The following SGCZ variants were observed in gnomAD, a reference collection of about 807,000 sequenced individuals.
The protein encoded by SGCZ is zeta-sarcoglycan.
A neutral mutation model predicts 41.3 loss-of-function variants in SGCZ; 40 were observed. That is an observed-to-expected ratio of 0.97 (90% CI 0.75 to 1.26). The LOEUF (loss-of-function observed/expected upper bound fraction) is 1.26, where lower values mean the gene tolerates loss of function less well. Among genes scored for constraint, SGCZ ranks in the 50% most tolerant of loss-of-function variants. The pLI, the probability that SGCZ is intolerant of heterozygous loss-of-function variation, is 0.00. For missense variants in SGCZ, 552 were observed against 369.8 expected, an observed-to-expected ratio of 1.49 and a Z score of -4.04; for synonymous variants, 206 against 137.5, an observed-to-expected ratio of 1.50 and a Z score of -3.49.
chr8:14,985,252 A>T (rs1233514699), intron 1 of SGCZ, among the ~76,000 whole-genome samples: 1 of 152,168 alleles, frequency 6.6e-6, no homozygotes, highest in Non-Finnish European at 1.5e-5. Flanking sequence ...ATTATCCCTT[A>T]GAATGGAGAG....
chr8:14,413,158 C>A (rs1012482006), intron 2 of SGCZ, among the ~76,000 whole-genome samples: 1 of 151,778 alleles, frequency 6.6e-6, no homozygotes, highest in Admixed American at 6.6e-5. Flanking sequence ...CATAAGGTAG[C>A]GTGAGATAGT....
intron 1 of SGCZ, among the ~76,000 whole-genome samples, chr8:14,559,236 G>C (rs183084350): frequency 6.6e-6 from 1 of 152,062 alleles, no homozygotes; most frequent in African/African-American, 2.4e-5. Flanking sequence ...AAACCCTAAA[G>C]ACCCCTCCAA....
chr8:14,770,410 C>T (rs1800194588), intron 1 of SGCZ, among the ~76,000 whole-genome samples: 1 of 151,052 alleles, frequency 6.6e-6, no homozygotes, highest in Non-Finnish European at 1.5e-5. Context: ...CTATTCTTTC[C>T]CCAGAGGTCA....
chr8:14,556,404 T>C (rs1362203922), intron 1 of SGCZ, among the ~76,000 whole-genome samples: 1 of 151,896 alleles, frequency 6.6e-6, no homozygotes, highest in Non-Finnish European at 1.5e-5. Flanking sequence ...CATTGTAATG[T>C]TCATTGACTC....
intron 1 of SGCZ, among the ~76,000 whole-genome samples, chr8:14,966,823 T>C (rs915856950): frequency 1.3e-5 from 2 of 152,130 alleles, no homozygotes; most frequent in Non-Finnish European, 1.5e-5. Flanking sequence ...TTCAATAGAA[T>C]ATTTGAAAGA....
At chr8:14,569,187 T>A (rs1045703026) in intron 1 of SGCZ, among the ~76,000 whole-genome samples, 2 of 152,190 alleles carry the variant, frequency 1.3e-5, no homozygotes, top group African/African-American at 4.8e-5. Context: ...ATTGAGCTAT[T>A]TAGTCATTAT....
chr8:15,231,068 C>T (rs1030971438), intron 1 of SGCZ, among the ~76,000 whole-genome samples: 2 of 152,170 alleles, frequency 1.3e-5, no homozygotes, highest in African/African-American at 4.8e-5. Context: ...GTTAGATTTA[C>T]AGTGTGAGCT....
chr8:15,104,933 G>C (rs1563128159), intron 1 of SGCZ, among the ~76,000 whole-genome samples: 1 of 152,092 alleles, frequency 6.6e-6, no homozygotes, highest in Non-Finnish European at 1.5e-5. Context: ...TGTTGTTGTT[G>C]TTGCTGTTTG....
chr8:15,110,603 G>C (rs1166123587), intron 1 of SGCZ, among the ~76,000 whole-genome samples: 2 of 152,206 alleles, frequency 1.3e-5, no homozygotes, highest in Admixed American at 1.3e-4. Context: ...TGATGCTCAA[G>C]TTTGCTGCCT....
Position 14,154,524 on chromosome 8 carries a change from T to G in SGCZ, c.547+10056A>C, listed in dbSNP as rs189653647. Among the ~76,000 whole-genome samples, 3 of 152,344 alleles carry G rather than the reference T, an allele frequency of 2.0e-5. No homozygotes were observed. The East Asian group carries it at 5.8e-4, about 29-fold the overall frequency. On this transcript the variant is annotated intron_variant, in intron 5 of 7. Transcript: ENST00000382080. The stretch of plus-strand genomic sequence containing the variant: ...ATTCTGAAACATGTTACCCGTGGTT[T>G]ATTAATAATTTTGTTGCAAATTTTA...
chr8:14,700,337 A>T (rs544245561), intron 1 of SGCZ, among the ~76,000 whole-genome samples: 5 of 152,104 alleles, frequency 3.3e-5, no homozygotes, highest in African/African-American at 1.2e-4. Flanking sequence ...CCATTATCTT[A>T]ATCAAATTAA....
At chr8:15,219,524 T>C (rs1801520371) in intron 1 of SGCZ, among the ~76,000 whole-genome samples, 1 of 152,224 alleles carries the variant, frequency 6.6e-6, no homozygotes, top group African/African-American at 2.4e-5. Context: ...TTTATGTCTA[T>C]GATGGGAATT....
intron 2 of SGCZ, among the ~76,000 whole-genome samples, chr8:14,377,231 C>T (rs972888856): frequency 2.6e-5 from 4 of 152,138 alleles, no homozygotes; most frequent in Admixed American, 1.3e-4. Flanking sequence ...ATCATGCTTC[C>T]TAATAGAACT....
chr8:14,487,446 A>T (rs796532051), intron 2 of SGCZ, among the ~76,000 whole-genome samples: 12 of 113,200 alleles, frequency 1.1e-4, no homozygotes, highest in Non-Finnish European at 2.2e-4. Context: ...TGCCTCTCTT[A>T]CTTTATGATT....
At chr8:14,606,466 G>C in intron 1 of SGCZ, among the ~76,000 whole-genome samples, 1 of 152,228 alleles carries the variant, frequency 6.6e-6, no homozygotes, top group East Asian at 1.9e-4. Flanking sequence ...TTGTTGTTGA[G>C]AACTTCTCAG....
intron 1 of SGCZ, among the ~76,000 whole-genome samples, chr8:14,702,898 C>T (rs541871425): frequency 6.8e-5 from 9 of 131,946 alleles, no homozygotes; most frequent in African/African-American, 2.8e-4. Flanking sequence ...GATAGATAGA[C>T]AGGCAGACAG....
chr8:14,229,958 C>A (rs954219091), intron 4 of SGCZ, among the ~76,000 whole-genome samples: 4 of 152,024 alleles, frequency 2.6e-5, no homozygotes, highest in African/African-American at 7.2e-5. Flanking sequence ...AAAAATAAAA[C>A]TTTTTATATG....
At chr8:15,075,847 C>T (rs1308445645) in intron 1 of SGCZ, among the ~76,000 whole-genome samples, 1 of 151,946 alleles carries the variant, frequency 6.6e-6, no homozygotes, top group Non-Finnish European at 1.5e-5. Context: ...TGCTTGCCTA[C>T]CAATATTTTT....
Position 14,914,530 on chromosome 8 carries a change from G to GAA in SGCZ, c.39+323053_39+323054dup, listed in dbSNP as rs34355003. 2.1e-3 allele frequency among the ~76,000 whole-genome samples: 314 copies of GAA among 149,850 alleles called. 1 individual carries two copies. Among genetic ancestry groups the GAA allele is most frequent in the African/African-American group, 7.3e-3 (299 of 40,976 alleles). On this transcript the variant is annotated intron_variant, in intron 1 of 7. Transcript: ENST00000382080. ...CGTTTGGAAGCAGGTAAGAGACAGT[G>GAA]AAAAAAAAATGCATTTAAAAAAGGC...
Sources: allele counts gnomAD v4.1 joint callset (sites outside exome capture counted in the v4.1 genomes callset), GRCh38; gene constraint gnomAD v4.1.1; transcripts MANE v1.5; gene names NCBI Gene and HGNC (gene_info 2026-07-23, HGNC 2026-07-21).